The following CLIC5 variants were observed in gnomAD, a reference collection of about 807,000 sequenced individuals.
The protein encoded by CLIC5 is chloride intracellular channel protein 5.
In CLIC5, 20 loss-of-function variants were observed where a neutral mutation model predicts 24.7. The ratio of observed to expected loss-of-function variants is 0.81; its 90% CI spans 0.57 to 1.18. The LOEUF is 1.18. Among genes scored for constraint, CLIC5 ranks in the 50% most tolerant of loss-of-function variants. The probability of loss-of-function intolerance (pLI) is 0.00; values close to 1 mark genes in which losing one functional copy is unlikely to be tolerated. For synonymous variants in CLIC5, 159 were observed against 135.6 expected (o/e 1.17, Z -1.20); for missense variants, 341 against 326.1 (o/e 1.05, Z -0.35).
chr6:45,885,309 C>T (rs1008680477), intron 6 of CLIC5, among the ~76,000 whole-genome samples: 36 of 152,290 alleles, frequency 2.4e-4, no homozygotes, highest in Non-Finnish European at 4.7e-4. Flanking sequence ...GAGGTTATCA[C>T]CGGAACCCAG....
intron 1 of CLIC5, among the ~76,000 whole-genome samples, chr6:46,010,222 G>A (rs536504134): frequency 6.6e-6 from 1 of 152,306 alleles, no homozygotes; most frequent in South Asian, 2.1e-4. Context: ...TACACATCAA[G>A]GGAGGGAAGC....
intron 1 of CLIC5, among the ~76,000 whole-genome samples, chr6:45,959,205 C>T (rs1764767932): frequency 6.6e-6 from 1 of 152,096 alleles, no homozygotes; most frequent in Non-Finnish European, 1.5e-5. Context: ...ACTTTTTAGT[C>T]TTAGAACTCT....
chr6:46,011,134 C>T (rs1297665529), intron 1 of CLIC5, among the ~76,000 whole-genome samples: 1 of 152,208 alleles, frequency 6.6e-6, no homozygotes, highest in Non-Finnish European at 1.5e-5. Context: ...TTTTACTTCC[C>T]CCATGCTGAA....
intron 1 of CLIC5, among the ~76,000 whole-genome samples, chr6:46,034,338 T>A (rs1767603245): frequency 6.6e-6 from 1 of 152,230 alleles, no homozygotes; most frequent in Admixed American, 6.5e-5. Flanking sequence ...AAAGCCTTTA[T>A]AATCTTGGAG....
intron 5 of CLIC5, among the ~76,000 whole-genome samples, chr6:45,908,781 T>C: frequency 6.6e-6 from 1 of 152,230 alleles, no homozygotes; most frequent in South Asian, 2.1e-4. Context: ...TAGATGTCTG[T>C]TATGTCCAAT....
upstream of CLIC5, chr6:46,015,941 C>A: frequency 1.0e-6 from 1 of 990,394 alleles, no homozygotes. Context: ...GCGGGGACAC[C>A]CCGGCAGCTC....
At chr6:46,078,167 C>A (rs769747535) in intron 1 of CLIC5, among the ~76,000 whole-genome samples, 8 of 152,120 alleles carry the variant, frequency 5.3e-5, no homozygotes, top group Non-Finnish European at 1.2e-4. Context: ...TGAGACCAGC[C>A]TGGCCAACAT....
chr6:45,926,316 C>A (rs949390191), intron 4 of CLIC5, among the ~76,000 whole-genome samples: 1 of 150,626 alleles, frequency 6.6e-6, no homozygotes, highest in Non-Finnish European at 1.5e-5. Flanking sequence ...GGTGTGATCT[C>A]GGCTCACTGC....
At chr6:46,046,037 G>C (rs536989359) in intron 1 of CLIC5, among the ~76,000 whole-genome samples, 4 of 152,188 alleles carry the variant, frequency 2.6e-5, no homozygotes, top group African/African-American at 9.6e-5. Flanking sequence ...TGGGGCTGAG[G>C]AGAGGGTGCC....
At chr6:45,993,184 A>G (rs1214025680) in intron 1 of CLIC5, among the ~76,000 whole-genome samples, 1 of 152,240 alleles carries the variant, frequency 6.6e-6, no homozygotes. Flanking sequence ...TTATAAGGCC[A>G]TATGAGCAGA....
the CLIC5 span, among the ~76,000 whole-genome samples, chr6:46,126,304 G>C: frequency 2.0e-5 from 3 of 152,164 alleles, no homozygotes; most frequent in Non-Finnish European, 4.4e-5. Flanking sequence ...TTAGATTAGA[G>C]GCACCTTGAG....
chr6:45,920,756 G>A, intron 4 of CLIC5: 1 of 587,306 alleles, frequency 1.7e-6, no homozygotes, highest in African/African-American at 2.0e-5. Flanking sequence ...GGAGCAAGCG[G>A]GATGTAGGAG....
chr6:46,105,074 G>T, the CLIC5 span, among the ~76,000 whole-genome samples: 3 of 152,084 alleles, frequency 2.0e-5, no homozygotes, highest in Admixed American at 6.5e-5. Context: ...GGGCATATGG[G>T]GCTTTTGGGC....
chr6:45,889,744 T>G, intron 6 of CLIC5, among the ~76,000 whole-genome samples: 1 of 152,176 alleles, frequency 6.6e-6, no homozygotes, highest in East Asian at 1.9e-4. Context: ...AAAATAATAG[T>G]TAATTAAATG....
intron 2 of CLIC5, among the ~76,000 whole-genome samples, chr6:45,952,571 G>T (rs1477293164): frequency 2.0e-5 from 3 of 152,182 alleles, no homozygotes; most frequent in Non-Finnish European, 2.9e-5. Context: ...AGATTATTCA[G>T]TCACTAAAGT....
the CLIC5 span, among the ~76,000 whole-genome samples, chr6:46,097,721 T>G: frequency 6.6e-6 from 1 of 152,248 alleles, no homozygotes; most frequent in Non-Finnish European, 1.5e-5. Context: ...AATGTCTTGA[T>G]AGTTAAGATT....
the CLIC5 span, among the ~76,000 whole-genome samples, chr6:46,113,622 G>A: frequency 2.0e-5 from 3 of 152,140 alleles, no homozygotes; most frequent in South Asian, 6.2e-4. Context: ...TGCTGGCAAG[G>A]GGACCAGACA....
At chr6:46,006,000 T>TATTTA (rs1766544664) in intron 1 of CLIC5, among the ~76,000 whole-genome samples, 8 of 106,164 alleles carry the variant, frequency 7.5e-5, no homozygotes, top group African/African-American at 2.6e-4. Flanking sequence ...ATATATATAT[T>TATTTA]TATATATATA....
intron 1 of CLIC5, among the ~76,000 whole-genome samples, chr6:46,041,206 A>G (rs985758451): frequency 1.3e-5 from 2 of 152,220 alleles, no homozygotes; most frequent in African/African-American, 4.8e-5. Flanking sequence ...TAACAGAAGA[A>G]AATATAATTG....
Sources: gnomAD v4.1 joint callset for allele counts (sites outside exome capture counted in the v4.1 genomes callset) on GRCh38, gnomAD v4.1.1 for gene constraint, MANE v1.5 for transcripts, NCBI Gene and HGNC (gene_info 2026-07-23, HGNC 2026-07-21) for gene names.